Variants in HSPH1 observed in about 807,000 individuals in gnomAD.
The protein encoded by HSPH1 is heat shock protein 105 kDa.
HSPH1 carries 40 observed loss-of-function variants against 100.0 expected under a neutral mutation model. The ratio of observed to expected loss-of-function variants is 0.40; its 90% CI spans 0.31 to 0.52. The LOEUF (loss-of-function observed/expected upper bound fraction) is 0.52, where lower values mean the gene tolerates loss of function less well. HSPH1 is among the 20% of genes least tolerant of loss of function. HSPH1 has a pLI of 0.54. For missense variants in HSPH1, 876 were observed against 1,015.1 expected (o/e 0.86, Z 1.86); for synonymous variants, 403 against 344.0 (o/e 1.17, Z -1.90).
At chr13:31,161,924 C>T (rs1037048838), upstream of HSPH1, 29 of 1,521,924 alleles carry the variant, frequency 1.9e-5, no homozygotes, top group Middle Eastern at 1.0e-3. Context: ...GGTCCCACTT[C>T]CTCAGCCTTA....
chr13:31,145,803 AT>A, intron 10 of HSPH1, 35 bp from the exon 11 acceptor site: 2 of 1,591,776 alleles, frequency 1.3e-6, no homozygotes, highest in Non-Finnish European at 1.7e-6. Context: ...CAAAATCACA[AT>A]TTATTTAGAA....
Position 31,138,919 on chromosome 13 carries a change from A to T in HSPH1, c.2089-19T>A. 6.3e-7 allele frequency: 1 copy of T among 1,581,606 alleles called. No individual in the cohort carries two copies. The highest frequency in any genetic ancestry group is 1.7e-5 in the Admixed American group (1 of 57,876). ...CAATTTTCTAAAATAAAATGTAATA[A>T]ATTAATAGTTATCATAATTTTATTT... On this transcript the variant is annotated intron_variant, in intron 15 of 17. Coordinates refer to ENST00000320027, the MANE Select transcript of HSPH1 (RefSeq NM_006644.4).
rs758656604 is a variant in HSPH1, at chr13:31,151,745, A to G, written c.530-3T>C. ...ATAAATTCCGTAATTCAAAGCAACT[A>G]CAAAAAATAAGTATGTTTCAATTCT... On this transcript the variant is annotated splice_polypyrimidine_tract_variant and splice_region_variant and intron_variant, in intron 5 of 17. Transcript: ENST00000320027. 6.3e-7 allele frequency: 1 copy of G among 1,599,362 alleles called. No individual in the cohort carries two copies. Among genetic ancestry groups the G allele is most frequent in the Admixed American group, 1.8e-5 (1 of 56,180 alleles).
chr13:31,146,981 GATTA>G (rs1440707356), intron 10 of HSPH1, among the ~76,000 whole-genome samples: 1 of 152,146 alleles, frequency 6.6e-6, no homozygotes, highest in African/African-American at 2.4e-5. Context: ...AATACACCTT[GATTA>G]ATTGTCAAAT....
Position 31,155,548 on chromosome 13 carries a change from A to C in HSPH1, c.272T>G (p.Leu91Trp), listed in dbSNP as rs1365935284. 6.2e-7 allele frequency: 1 copy of C among 1,612,180 alleles called. No homozygotes were observed. The highest frequency in any genetic ancestry group is 1.1e-5 in the South Asian group (1 of 90,680). ...QKEKENLSYD[L>W]VPLKNGGVGI... is the part of the protein sequence containing the mutation. ...AACTCCACCATTTTTCAATGGAACC[A>C]AATCGTAACTCAAGTTTTCCTTCTC... The change falls in exon 3 of 18, where the codon TTG (leucine) becomes TGG (tryptophan). Residue 91 changes from leucine to tryptophan, a missense_variant. By Grantham distance (61) the Leu-to-Trp change is moderately conservative (BLOSUM62 -2). Transcript: ENST00000320027.
chr13:31,138,472 G>A lies in HSPH1; in HGVS notation c.2305C>T (p.Gln769Ter). Residue 769 changes from glutamine to a stop codon, truncating the protein, a stop_gained, in exon 17 of 18, where the codon CAG becomes TAG. Coordinates refer to ENST00000320027, the MANE Select transcript of HSPH1 (RefSeq NM_006644.4). LOFTEE classifies it high-confidence loss of function. ...TCCTGATCAAGACTCTTTTTAGCCT[G>A]AGCATTCATGACATTATTCATCCAT... ...MEWMNNVMNAQAKKSLDQDPV... is the reference protein window; with the variant it reads ...MEWMNNVMNA 6.2e-7 allele frequency: 1 copy of A among 1,613,230 alleles called. No homozygotes were observed. The highest frequency in any genetic ancestry group is 1.3e-5 in the African/African-American group (1 of 74,990).
At chr13:31,155,871 C>T (rs1956669011) in intron 2 of HSPH1, among the ~76,000 whole-genome samples, 1 of 152,100 alleles carries the variant, frequency 6.6e-6, no homozygotes, top group African/African-American at 2.4e-5. Flanking sequence ...AAGTAAGCAG[C>T]AAGAGGGAAC....
chr13:31,162,021 CCTT>C (rs1490172768), upstream of HSPH1: 48 of 1,536,066 alleles, frequency 3.1e-5, no homozygotes, highest in Non-Finnish European at 3.9e-5. Flanking sequence ...ACTTCCGCTT[CCTT>C]CTTCTCGAGC....
chr13:31,151,601 G>A lies in HSPH1; in HGVS notation c.663+8C>T. On this transcript the variant is annotated splice_region_variant and intron_variant, in intron 6 of 17. Coordinates refer to ENST00000320027, the MANE Select transcript of HSPH1 (RefSeq NM_006644.4). ...TTTTGGACACTGAGTTCCAATGTAT[G>A]ACTTTACCTTCAATTTTCCCTTGTT... The A allele has an allele frequency of 1.9e-6, 3 of 1,608,432 alleles. No homozygotes were observed. In the South Asian group the frequency reaches 3.3e-5, roughly 18 times the overall value.
intron 6 of HSPH1, 143 bp downstream of exon 6, chr13:31,151,466 T>A (rs1202252051): frequency 5.2e-6 from 4 of 776,260 alleles, no homozygotes; most frequent in Non-Finnish European, 7.9e-6. Context: ...GAGCTCAACC[T>A]TAGCAACCGT....
intron 4 of HSPH1, chr13:31,154,087 G>A (rs1440565911): frequency 5.8e-6 from 1 of 171,458 alleles, no homozygotes; most frequent in Non-Finnish European, 1.2e-5. Context: ...CTATCAAGAA[G>A]TGACCCAAGA....
chr13:31,140,921 A>C, intron 13 of HSPH1: 1 of 387,124 alleles, frequency 2.6e-6, no homozygotes, highest in Non-Finnish European at 4.5e-6. Context: ...TCAGCCAATC[A>C]TGTTATATCA....
At chr13:31,142,740 G>A (rs1956140368) in intron 12 of HSPH1, among the ~76,000 whole-genome samples, 1 of 152,050 alleles carries the variant, frequency 6.6e-6, no homozygotes, top group South Asian at 2.1e-4. Flanking sequence ...TACAACTAAG[G>A]AGCATGAATG....
Position 31,151,636 on chromosome 13 carries a change from A to G in HSPH1, c.636T>C (p.Ala212=), listed in dbSNP as rs1330225345. ...DMGHSAFQVS[A]CAFNKGKLKV... ...TCAATTTTCCCTTGTTAAAAGCACA[A>G]GCAGACACTTGAAAAGCTGAATGTC... Residue 212 remains alanine (A), a synonymous_variant, in exon 6 of 18, where the codon GCT becomes GCC. Coordinates refer to ENST00000320027, the MANE Select transcript of HSPH1 (RefSeq NM_006644.4). 1.9e-6 allele frequency: 3 copies of G among 1,612,510 alleles called. No homozygotes were observed. Among genetic ancestry groups the G allele is most frequent in the Middle Eastern group, 1.6e-4 (1 of 6,078 alleles).
intron 11 of HSPH1, among the ~76,000 whole-genome samples, chr13:31,144,394 T>A (rs1882599648): frequency 6.6e-6 from 1 of 152,152 alleles, no homozygotes; most frequent in Non-Finnish European, 1.5e-5. Context: ...TATTTCGGGA[T>A]TCATCACTTC....
rs1233075059 is a variant in HSPH1 at position 31,136,582 on chromosome 13, T to C, written c.*736A>G. Reference sequence around the variant, plus strand: ...TTCATTTCTGCTAGAATAATTCATATTCTCCCTCATCTCATTTTTTAAATT... The same window carrying C: ...TTCATTTCTGCTAGAATAATTCATACTCTCCCTCATCTCATTTTTTAAATT... On this transcript the variant is annotated 3_prime_UTR_variant, in exon 18 of 18. Coordinates refer to ENST00000320027, the MANE Select transcript of HSPH1 (RefSeq NM_006644.4). 2.0e-5 allele frequency: 3 copies of C among 152,602 alleles called. No homozygotes were observed. The highest frequency in any genetic ancestry group is 6.5e-5 in the Admixed American group (1 of 15,282). 9.5% of individuals were successfully genotyped at this position (152,602 alleles called of 1,614,324 possible).
intron 2 of HSPH1, among the ~76,000 whole-genome samples, chr13:31,158,573 A>AG (rs1956786537): frequency 7.4e-6 from 1 of 135,064 alleles, no homozygotes; most frequent in Non-Finnish European, 1.6e-5. Flanking sequence ...AAAAAAAAAA[A>AG]GTTAAGGATG....
intron 14 of HSPH1, among the ~76,000 whole-genome samples, chr13:31,139,629 A>G (rs977456270): frequency 6.6e-6 from 1 of 152,098 alleles, no homozygotes; most frequent in African/African-American, 2.4e-5. Context: ...TTAATAAAAC[A>G]GACTCCAAAT....
intron 12 of HSPH1, 86 bp downstream of exon 12, chr13:31,143,706 T>C (rs1038267465): frequency 8.5e-7 from 1 of 1,177,186 alleles, no homozygotes; most frequent in African/African-American, 1.6e-5. Context: ...AATTGGTGCT[T>C]GCTCTTGAAA....
Sources: gnomAD v4.1 joint callset for allele counts (sites outside exome capture counted in the v4.1 genomes callset) on GRCh38, gnomAD v4.1.1 for gene constraint, MANE v1.5 for transcripts, NCBI Gene and HGNC (gene_info 2026-07-23, HGNC 2026-07-21) for gene names.